The following DNAJA3 variants were observed in gnomAD, a reference collection of about 807,000 sequenced individuals.
DNAJA3 encodes dnaJ homolog subfamily A member 3, mitochondrial.
Under a neutral mutation model 54.9 loss-of-function variants are expected in DNAJA3, and 29 were observed. The observed-to-expected ratio is 0.53, with a 90% CI of 0.39 to 0.72. The LOEUF (loss-of-function observed/expected upper bound fraction) is 0.72. Ranked by LOEUF, DNAJA3 falls within the 30% of genes least tolerant of loss-of-function variation. DNAJA3 has a pLI of 0.00. For missense variants in DNAJA3, 708 were observed against 639.4 expected (o/e 1.11, Z -1.16); for synonymous variants, 302 against 251.4 (o/e 1.20, Z -1.90).
At chr16:4,436,542 T>C (rs906535873) in intron 2 of DNAJA3, among the ~76,000 whole-genome samples, 6 of 152,122 alleles carry the variant, frequency 3.9e-5, no homozygotes, top group African/African-American at 1.2e-4. Flanking sequence ...TTTTAAAAAT[T>C]TTTTCTTTTT....
At position 4,434,413 on chromosome 16, in the gene DNAJA3, G is replaced by A. The variant is rs181511914; in HGVS notation, c.241G>A (p.Ala81Thr). The A allele has an allele frequency of 1.9e-5, 30 of 1,613,458 alleles. No individual in the cohort carries two copies. In the East Asian group the frequency reaches 5.8e-4, roughly 31 times the overall value. ...GTKHNPFICTASFHTSAPLAK... is the reference protein window; with the variant it reads ...GTKHNPFICTTSFHTSAPLAK... ...AAAACATAACCCTTTCATTTGTACT[G>A]CCTCCTTCCACACGAGTGCCCCTTT... is the stretch of plus-strand genomic sequence containing the variant. The change falls in exon 2 of 12, where the codon GCC becomes ACC. Residue 81 changes from alanine to threonine, a missense_variant. Ala to Thr is a moderately conservative substitution (Grantham distance 58, BLOSUM62 0). Coordinates refer to ENST00000262375, the MANE Select transcript of DNAJA3 (RefSeq NM_005147.6).
chr16:4,442,963 C>G, intron 5 of DNAJA3, 54 bp from the exon 6 acceptor site: 3 of 1,582,584 alleles, frequency 1.9e-6, no homozygotes, highest in Non-Finnish European at 2.6e-6. Flanking sequence ...GGTCCCAGAA[C>G]CACCCATCAG....
intron 3 of DNAJA3, 132 bp from the exon 4 acceptor site, chr16:4,441,243 A>G (rs928519872): frequency 2.5e-6 from 2 of 792,894 alleles, no homozygotes; most frequent in African/African-American, 3.5e-5. Context: ...GCCCACCCCA[A>G]CCTCATAGGA....
chr16:4,440,373 G>A (rs1428369769), intron 3 of DNAJA3: 4 of 151,000 alleles, frequency 2.6e-5, no homozygotes, highest in East Asian at 2.0e-4. Flanking sequence ...GACGGATCAC[G>A]AGGTCAAGAG....
rs1332202304 is a variant in DNAJA3 at position 4,455,938 on chromosome 16, A to G, written c.*406A>G. On this transcript the variant is annotated 3_prime_UTR_variant, in exon 12 of 12. Coordinates refer to ENST00000262375, the MANE Select transcript of DNAJA3 (RefSeq NM_005147.6). Reference sequence around the variant, plus strand: ...GCTGCATCAAGTTACGAAGTGATTAATTTCCTTCTCAGCAAACCTCCGGGA... The same window carrying G: ...GCTGCATCAAGTTACGAAGTGATTAGTTTCCTTCTCAGCAAACCTCCGGGA... 11 of 301,764 alleles carry G rather than the reference A, an allele frequency of 3.6e-5. No homozygotes were observed. The allele number at this position is 301,764 out of a possible 1,614,324, so 18.7% of individuals were successfully genotyped here.
rs540908577 is a variant in DNAJA3, at chr16:4,448,715, G to T, written c.1126-18G>T. The T allele has an allele frequency of 1.3e-6, 2 of 1,595,180 alleles. No homozygotes were observed. The highest frequency in any genetic ancestry group is 2.7e-5 in the African/African-American group (2 of 74,660). ...CAACTGGGGACCAGGGGAAACCACA[G>T]ATTTTCTTTCTTTATAGATCCCCCC... is the stretch of plus-strand genomic sequence containing the variant. On this transcript the variant is annotated intron_variant, in intron 8 of 11. Coordinates refer to ENST00000262375, the MANE Select transcript of DNAJA3 (RefSeq NM_005147.6).
At chr16:4,428,802 G>C (rs759173109) in intron 1 of DNAJA3, among the ~76,000 whole-genome samples, 1 of 152,072 alleles carries the variant, frequency 6.6e-6, no homozygotes, top group Non-Finnish European at 1.5e-5. Context: ...CTATGCTGGC[G>C]CTGAGGCAGG....
intron 1 of DNAJA3, among the ~76,000 whole-genome samples, chr16:4,428,266 G>A (rs567199487): frequency 1.3e-5 from 2 of 152,080 alleles, no homozygotes; most frequent in African/African-American, 4.8e-5. Context: ...TTTATTTTGA[G>A]ATGGACTCTT....
At chr16:4,431,829 C>G (rs938653757) in intron 1 of DNAJA3, 2 of 152,134 alleles carry the variant, frequency 1.3e-5, no homozygotes, top group Non-Finnish European at 2.9e-5. Flanking sequence ...CCACCCGCCT[C>G]GGCCTCCCAA....
rs749610345 is a variant in DNAJA3, at chr16:4,444,613, C to T, written c.932-51C>T. 1.4e-5 allele frequency: 21 copies of T among 1,537,428 alleles called. No individual in the cohort carries two copies. In the South Asian group the frequency reaches 1.7e-4, roughly 12 times the overall value. ...CCTCCCAAAGTGCTGGGATTACAGG[C>T]GTGAGCCACCGCGTCCTGCCTAACT... is the stretch of plus-strand genomic sequence containing the variant. On this transcript the variant is annotated intron_variant, in intron 6 of 11. Transcript: ENST00000262375.
Position 4,443,243 on chromosome 16 carries a change from T to C in DNAJA3, c.931+79T>C, listed in dbSNP as rs1192106048. The C allele has an allele frequency of 2.6e-6, 4 of 1,560,124 alleles. No individual in the cohort carries two copies. In the Admixed American group the frequency reaches 7.5e-5, roughly 29 times the overall value. On this transcript the variant is annotated intron_variant, in intron 6 of 11. Coordinates refer to ENST00000262375, the MANE Select transcript of DNAJA3 (RefSeq NM_005147.6). ...AGGCTACCACACCGTGTGGAGAGGGTGGACAGGGCCGAGGCCACTGCACTG... is the reference window on the plus strand; with the variant it reads ...AGGCTACCACACCGTGTGGAGAGGGCGGACAGGGCCGAGGCCACTGCACTG...
chr16:4,438,635 C>CTTTTT (rs56211652), intron 3 of DNAJA3, among the ~76,000 whole-genome samples: 667 of 110,498 alleles, frequency 6.0e-3, no homozygotes, highest in East Asian at 7.2e-3. Flanking sequence ...ACAATCTTTT[C>CTTTTT]TTTTTTTTTT....
Position 4,455,689 on chromosome 16 carries a change from G to T in DNAJA3, c.*157G>T. On this transcript the variant is annotated 3_prime_UTR_variant, in exon 12 of 12. Coordinates refer to ENST00000262375, the MANE Select transcript of DNAJA3 (RefSeq NM_005147.6). ...ACGGCCTTGGCAACAGCAAAATCATGGGACAACACCTCTCTCCACGGAAAG... is the reference window on the plus strand; with the variant it reads ...ACGGCCTTGGCAACAGCAAAATCATTGGACAACACCTCTCTCCACGGAAAG... The T allele has an allele frequency of 9.0e-7, 1 of 1,110,540 alleles. No homozygotes were observed. 68.8% of individuals were successfully genotyped at this position (1,110,540 alleles called of 1,614,324 possible).
intron 4 of DNAJA3, 143 bp from the exon 5 acceptor site, chr16:4,442,125 G>A: frequency 1.3e-6 from 1 of 792,666 alleles, no homozygotes; most frequent in South Asian, 2.8e-5. Context: ...TCCTACCTAT[G>A]CTTACTTGGC....
chr16:4,425,915 G>A lies in DNAJA3; in HGVS notation c.34G>A (p.Val12Met), dbSNP rs992576834. ...GCGGTGCTCCACACGCTGGTTGCTGGTGGTTGTGGGGACCCCGCGGCTGCC... is the reference window on the plus strand; with the variant it reads ...GCGGTGCTCCACACGCTGGTTGCTGATGGTTGTGGGGACCCCGCGGCTGCC... Reference protein sequence around the residue: ...AARCSTRWLLVVVGTPRLPAI... With the variant: ...AARCSTRWLLMVVGTPRLPAI... Residue 12 changes from valine to methionine, a missense_variant, in exon 1 of 12, where the codon GTG becomes ATG. Val to Met is a conservative substitution (Grantham distance 21, BLOSUM62 1). Coordinates refer to ENST00000262375, the MANE Select transcript of DNAJA3 (RefSeq NM_005147.6). 3 of 1,547,376 alleles carry A rather than the reference G, an allele frequency of 1.9e-6. No homozygotes were observed. In the African/African-American group the frequency reaches 4.1e-5, roughly 21 times the overall value.
intron 6 of DNAJA3, among the ~76,000 whole-genome samples, chr16:4,443,918 C>T (rs1352180537): frequency 6.6e-6 from 1 of 152,218 alleles, no homozygotes; most frequent in Admixed American, 6.5e-5. Context: ...GATCTCCTGA[C>T]CTCGTGATCC....
In DNAJA3 at chr16:4,443,081, C is replaced by G. The variant is rs1438190534; in HGVS notation, c.848C>G (p.Ser283Cys). The change falls in exon 6 of 12, where the codon TCC (serine) becomes TGC (cysteine). Residue 283 changes from serine (S) to cysteine (C), a missense_variant. Coordinates refer to ENST00000262375, the MANE Select transcript of DNAJA3 (RefSeq NM_005147.6). ...STCRRCGGRG[S>C]IIISPCVVCR... is the part of the protein sequence containing the mutation. ...TGTAGGAGATGTGGTGGCCGCGGCT[C>G]CATCATCATATCGCCCTGTGTGGTC... 6.2e-7 allele frequency: 1 copy of G among 1,613,734 alleles called. No homozygotes were observed. Among genetic ancestry groups the G allele is most frequent in the Non-Finnish European group, 8.5e-7 (1 of 1,179,992 alleles).
At chr16:4,437,562 C>A in intron 3 of DNAJA3, 77 bp downstream of exon 3, 1 of 1,205,308 alleles carries the variant, frequency 8.3e-7, no homozygotes, top group Non-Finnish European at 1.2e-6. Context: ...CTACCTGGGA[C>A]AGCCTGGTGT....
chr16:4,428,208 C>T (rs143945676), intron 1 of DNAJA3, among the ~76,000 whole-genome samples: 2 of 152,140 alleles, frequency 1.3e-5, no homozygotes, highest in Non-Finnish European at 2.9e-5. Flanking sequence ...GCCTCAGCCT[C>T]CCAAAGTGCT....
Sources: gnomAD v4.1 joint callset for allele counts (sites outside exome capture counted in the v4.1 genomes callset) on GRCh38, gnomAD v4.1.1 for gene constraint, MANE v1.5 for transcripts, NCBI Gene and HGNC (gene_info 2026-07-23, HGNC 2026-07-21) for gene names.